TNR: variants seen among roughly 807,000 people sequenced by gnomAD.
The protein encoded by TNR is tenascin R, also known as tenascin-R.
In TNR, 45 loss-of-function variants were observed where a neutral mutation model predicts 150.4. That is an observed-to-expected ratio of 0.30 (90% CI 0.24 to 0.38). TNR has a LOEUF of 0.38. Ranked by LOEUF, TNR falls within the 10% of genes least tolerant of loss-of-function variation. The pLI, the probability that TNR is intolerant of heterozygous loss-of-function variation, is 1.00. For missense variants in TNR, 1,544 were observed against 1,759.1 expected, an observed-to-expected ratio of 0.88 and a Z score of 2.19; for synonymous variants, 687 against 678.4, an observed-to-expected ratio of 1.01 and a Z score of -0.20.
chr1:175,486,140 T>C (rs911430555), intron 2 of TNR, among the ~76,000 whole-genome samples: 3 of 151,704 alleles, frequency 2.0e-5, no homozygotes, highest in African/African-American at 7.3e-5. Context: ...TTTTTTAGAT[T>C]ATACTTTAAG....
chr1:175,345,030 C>T (rs574412293), intron 18 of TNR, among the ~76,000 whole-genome samples: 73 of 151,254 alleles, frequency 4.8e-4, no homozygotes, highest in African/African-American at 1.7e-3. Flanking sequence ...ATCTCTTGAA[C>T]CCGGGAGACG....
intron 19 of TNR, 142 bp from the exon 20 acceptor site, chr1:175,335,949 CA>C: frequency 1.4e-6 from 1 of 715,426 alleles, no homozygotes; most frequent in East Asian, 2.7e-5. Flanking sequence ...AAAGAAGGAA[CA>C]TTTCAGAGCA....
chr1:175,379,821 TG>T (rs1196474736), intron 8 of TNR, 84 bp from the exon 9 acceptor site: 2 of 1,465,902 alleles, frequency 1.4e-6, no homozygotes, highest in Non-Finnish European at 1.9e-6. Context: ...AAAAGATTGG[TG>T]GTGACAGCCC....
At chr1:175,653,541 GGAAA>G (rs1277613189) in intron 1 of TNR, among the ~76,000 whole-genome samples, 1 of 152,224 alleles carries the variant, frequency 6.6e-6, no homozygotes, top group East Asian at 1.9e-4. Flanking sequence ...GGAAAATGAA[GGAAA>G]GAAAGAAAGT....
chr1:175,332,417 C>G (rs894482168), intron 20 of TNR, among the ~76,000 whole-genome samples: 1 of 152,178 alleles, frequency 6.6e-6, no homozygotes, highest in Non-Finnish European at 1.5e-5. Flanking sequence ...CAGTAAGTCA[C>G]TTGAACAAGA....
intron 2 of TNR, among the ~76,000 whole-genome samples, chr1:175,434,436 C>T (rs1421793908): frequency 2.0e-5 from 3 of 152,174 alleles, no homozygotes; most frequent in Non-Finnish European, 4.4e-5. Context: ...ATCTGGCCAG[C>T]ACCGCGGCTG....
At chr1:175,525,927 T>C (rs2102174453) in intron 2 of TNR, among the ~76,000 whole-genome samples, 1 of 152,262 alleles carries the variant, frequency 6.6e-6, no homozygotes, top group East Asian at 1.9e-4. Context: ...TGGGGCAGTA[T>C]AGCAAGCAGA....
chr1:175,573,791 G>A (rs927773355), intron 1 of TNR, among the ~76,000 whole-genome samples: 2 of 152,176 alleles, frequency 1.3e-5, no homozygotes, highest in Admixed American at 6.5e-5. Flanking sequence ...GGGTACAGAT[G>A]GTGAGCTTGG....
chr1:175,726,658 T>C (rs1247700499), intron 1 of TNR, among the ~76,000 whole-genome samples: 1 of 152,244 alleles, frequency 6.6e-6, no homozygotes, highest in Non-Finnish European at 1.5e-5. Flanking sequence ...AGGCAAGATC[T>C]GCATTTGAGG....
rs116001099 is a variant in TNR, at chr1:175,680,341, C to T, written c.-165+62885G>A. 3.1e-3 allele frequency among the ~76,000 whole-genome samples: 468 copies of T among 152,112 alleles called. 2 individuals are homozygous for T. Among genetic ancestry groups the T allele is most frequent in the African/African-American group, 0.011 (445 of 41,496 alleles). On this transcript the variant is annotated intron_variant, in intron 1 of 22. Coordinates refer to ENST00000367674, the MANE Select transcript of TNR (RefSeq NM_003285.3). ...GGGCAGGCAGAGACAGACAGAGATG[C>T]TCTTGGTTGAGCCCTAAAGTAATAA...
At chr1:175,603,773 G>A (rs1257473034) in intron 1 of TNR, among the ~76,000 whole-genome samples, 1 of 152,096 alleles carries the variant, frequency 6.6e-6, no homozygotes, top group East Asian at 1.9e-4. Flanking sequence ...AGGCCTGGAG[G>A]GGGCAGGTCA....
intron 2 of TNR, among the ~76,000 whole-genome samples, chr1:175,447,835 T>G (rs1012637409): frequency 1.3e-5 from 2 of 152,252 alleles, no homozygotes; most frequent in Admixed American, 1.3e-4. Flanking sequence ...TCACCAAATT[T>G]CATTCCAACA....
intron 1 of TNR, among the ~76,000 whole-genome samples, chr1:175,577,517 T>A (rs1430184985): frequency 6.6e-6 from 1 of 152,150 alleles, no homozygotes; most frequent in Non-Finnish European, 1.5e-5. Context: ...CTTCACTAGA[T>A]GTCTGACACT....
chr1:175,494,138 C>T (rs1658375567), intron 2 of TNR, among the ~76,000 whole-genome samples: 1 of 152,136 alleles, frequency 6.6e-6, no homozygotes, highest in Non-Finnish European at 1.5e-5. Context: ...CTCTCCCTTC[C>T]CCACCCCGCC....
At chr1:175,390,906 G>A (rs549904621) in intron 7 of TNR, among the ~76,000 whole-genome samples, 17 of 152,210 alleles carry the variant, frequency 1.1e-4, no homozygotes, top group Non-Finnish European at 2.2e-4. Context: ...ATTGAAGTTT[G>A]GGAAGGTTCA....
At chr1:175,688,050 A>G (rs1212287567) in intron 1 of TNR, among the ~76,000 whole-genome samples, 1 of 152,246 alleles carries the variant, frequency 6.6e-6, no homozygotes, top group African/African-American at 2.4e-5. Flanking sequence ...CCTTCTCCCC[A>G]GCCTCCTTGG....
Position 175,406,341 on chromosome 1 carries a change from C to T in TNR, c.374G>A (p.Cys125Tyr). ...THRINFPKKA[C>Y]PCASSAQVLQ... is the part of the protein sequence containing the mutation. Reference sequence around the variant, plus strand: ...CACCTGGGCTGAACTGGCACATGGACAGGCCTTTTTGGGGAAGTTGATCCT... The same window carrying T: ...CACCTGGGCTGAACTGGCACATGGATAGGCCTTTTTGGGGAAGTTGATCCT... The change falls in exon 3 of 23, where the codon TGT becomes TAT. Residue 125 changes from cysteine (C) to tyrosine (Y), a missense_variant. By Grantham distance (194) the Cys-to-Tyr change is radical. Around this residue, in one of 2 missense-constraint regions of TNR, gnomAD observed 1,254 missense variants for 1,329.4 expected, o/e 0.94. Transcript: ENST00000367674. 1 of 1,614,152 alleles carries T rather than the reference C, an allele frequency of 6.2e-7. No homozygotes were observed. The highest frequency in any genetic ancestry group is 8.5e-7 in the Non-Finnish European group (1 of 1,180,016).
intron 2 of TNR, among the ~76,000 whole-genome samples, chr1:175,505,567 G>A (rs537137085): frequency 2.0e-4 from 31 of 152,340 alleles, no homozygotes; most frequent in African/African-American, 7.2e-4. Context: ...ACCCACGCCC[G>A]AACCAGCACC....
In TNR at chr1:175,426,942, T is replaced by A. The variant is rs1170346922; in HGVS notation, c.-63-20165A>T. Among the ~76,000 whole-genome samples, 3 of 84,370 alleles carry A rather than the reference T, an allele frequency of 3.6e-5. No individual in the cohort carries two copies. The Admixed American group carries it at 3.8e-4, about 11-fold the overall frequency. 55.3% of individuals were successfully genotyped at this position (84,370 alleles called of 152,430 possible). ...AAATATAAATATATATAAAATATAT[T>A]ATATATATATTATATATAAAATATA... On this transcript the variant is annotated intron_variant, in intron 2 of 22. Coordinates refer to ENST00000367674, the MANE Select transcript of TNR (RefSeq NM_003285.3).
Sources: gnomAD v4.1 joint callset for allele counts (sites outside exome capture counted in the v4.1 genomes callset) on GRCh38, gnomAD v4.1.1 for gene constraint, gnomAD v4.1.1 regional missense constraint, MANE v1.5 for transcripts, NCBI Gene and HGNC (gene_info 2026-07-23, HGNC 2026-07-21) for gene names.